PTPRD: variants seen among roughly 807,000 people sequenced by gnomAD.
The protein encoded by PTPRD is protein tyrosine phosphatase receptor type D.
A neutral mutation model predicts 214.5 loss-of-function variants in PTPRD; 34 were observed. The observed-to-expected ratio is 0.16, with a 90% CI of 0.12 to 0.21. PTPRD has a LOEUF of 0.21. Among genes scored for constraint, PTPRD ranks in the 10% least tolerant of loss-of-function variants. The pLI, the probability that PTPRD is intolerant of heterozygous loss-of-function variation, is 1.00. For synonymous variants in PTPRD, 1,128 were observed against 845.7 expected (o/e 1.33, Z -5.79); for missense variants, 2,545 against 2,398.7 (o/e 1.06, Z -1.27).
At position 8,315,061 on chromosome 9, in the gene PTPRD, C is replaced by T. The variant is rs1820973715; in HGVS notation, c.*2813G>A. On this transcript the variant is annotated 3_prime_UTR_variant, in exon 46 of 46. Transcript: ENST00000381196. ...ACACGTACATAGGTAAATAATAGCA[C>T]CGTACTGGTTATGATGATGAAAATA... 4.3e-6 allele frequency: 1 copy of T among 232,368 alleles called. No individual in the cohort carries two copies. The highest frequency in any genetic ancestry group is 8.5e-6 in the Non-Finnish European group (1 of 117,336). The allele number at this position is 232,368 out of a possible 1,614,324, so 14.4% of individuals were successfully genotyped here. A position where few individuals can be genotyped will look rare whatever the true frequency, so the allele number is the denominator to read the frequency against.
rs1234789664 is a variant in PTPRD, at chr9:9,038,188, CA to C, written c.-142-19454del. ...ACACAATGTAAGCTGAATAAGAAAT[CA>C]AAAAAAAGATTGTGGGTGAGCAGGT... On this transcript the variant is annotated intron_variant, in intron 10 of 45. Transcript: ENST00000381196. Among the ~76,000 whole-genome samples, 22 of 151,424 alleles carry C rather than the reference CA, an allele frequency of 1.5e-4. No homozygotes were observed. In the East Asian group the frequency reaches 3.1e-3, roughly 21 times the overall value.
chr9:8,995,043 A>C (rs548101509), intron 11 of PTPRD, among the ~76,000 whole-genome samples: 1 of 152,068 alleles, frequency 6.6e-6, no homozygotes, highest in Non-Finnish European at 1.5e-5. Flanking sequence ...CATAGGAGAC[A>C]TGGGGGTAGA....
At chr9:8,327,333 G>A (rs1009363761) in intron 44 of PTPRD, among the ~76,000 whole-genome samples, 2 of 121,426 alleles carry the variant, frequency 1.6e-5, no homozygotes, top group African/African-American at 8.1e-5. Context: ...ATGTAGTTGT[G>A]TGGTTTTGAG....
intron 8 of PTPRD, among the ~76,000 whole-genome samples, chr9:9,543,804 G>C (rs568357431): frequency 1.3e-5 from 2 of 151,682 alleles, no homozygotes; most frequent in South Asian, 4.1e-4. Context: ...TTTTCTAAAA[G>C]GTTATTAAAA....
At chr9:8,995,332 A>G (rs62529155) in intron 11 of PTPRD, among the ~76,000 whole-genome samples, 2,264 of 152,186 alleles carry the variant, frequency 0.015, 21 homozygotes, top group Non-Finnish European at 0.023. Context: ...AAGTGATATG[A>G]TGTCTGAAAT....
At chr9:8,445,108 A>G (rs1236184834) in intron 34 of PTPRD, among the ~76,000 whole-genome samples, 28 of 152,090 alleles carry the variant, frequency 1.8e-4, no homozygotes, top group Admixed American at 1.7e-3. Context: ...TTATTCCACT[A>G]TCTGTTAGAA....
chr9:9,393,883 C>A (rs1446907675), intron 9 of PTPRD, among the ~76,000 whole-genome samples: 2 of 152,092 alleles, frequency 1.3e-5, no homozygotes, highest in Non-Finnish European at 2.9e-5. Flanking sequence ...GTCAACATCA[C>A]CATTATCACA....
At chr9:10,429,572 G>A (rs1282808576) in intron 2 of PTPRD, among the ~76,000 whole-genome samples, 1 of 151,790 alleles carries the variant, frequency 6.6e-6, no homozygotes, top group African/African-American at 2.4e-5. Context: ...AAACAAGCCA[G>A]GCCCAGAAAG....
intron 2 of PTPRD, among the ~76,000 whole-genome samples, chr9:10,574,197 A>G (rs900149381): frequency 2.0e-5 from 3 of 150,182 alleles, no homozygotes; most frequent in African/African-American, 7.3e-5. Context: ...GAAATGATAG[A>G]TGTGTGTGTG....
intron 10 of PTPRD, among the ~76,000 whole-genome samples, chr9:9,163,011 C>T (rs993063117): frequency 2.6e-5 from 4 of 152,068 alleles, no homozygotes; most frequent in African/African-American, 9.7e-5. Flanking sequence ...TGGTGTGCCT[C>T]CTTCCGCACC....
At chr9:8,767,803 A>G (rs2094878362) in intron 11 of PTPRD, among the ~76,000 whole-genome samples, 1 of 152,214 alleles carries the variant, frequency 6.6e-6, no homozygotes, top group Non-Finnish European at 1.5e-5. Context: ...TTACCAGGTG[A>G]TTCCAATGTA....
chr9:10,311,295 T>C (rs150661569), intron 3 of PTPRD, among the ~76,000 whole-genome samples: 10 of 152,064 alleles, frequency 6.6e-5, no homozygotes, highest in East Asian at 1.9e-4. Context: ...TTAACCTTTA[T>C]ACTGATCAAG....
intron 10 of PTPRD, among the ~76,000 whole-genome samples, chr9:9,020,762 C>T (rs1478725779): frequency 6.6e-6 from 1 of 152,014 alleles, no homozygotes; most frequent in African/African-American, 2.4e-5. Flanking sequence ...TTGAGAATTG[C>T]CAGCATATAT....
chr9:9,374,288 C>A (rs1051347445), intron 9 of PTPRD, among the ~76,000 whole-genome samples: 1 of 151,884 alleles, frequency 6.6e-6, no homozygotes, highest in African/African-American at 2.4e-5. Context: ...TATATTAGTT[C>A]TATTTAAAAC....
At position 8,466,463 on chromosome 9, in the gene PTPRD, G is replaced by T. The variant is rs191619711; in HGVS notation, c.3505-788C>A. ...GCTTCATGTATTTCTAAAGAAAAGA[G>T]ATAGAGTTTATTTCTGGATAACCTA... On this transcript the variant is annotated intron_variant, in intron 31 of 45. Transcript: ENST00000381196. Among the ~76,000 whole-genome samples, 8 of 151,978 alleles carry T rather than the reference G, an allele frequency of 5.3e-5. No individual in the cohort carries two copies. In the East Asian group the frequency reaches 1.6e-3, roughly 30 times the overall value.
intron 27 of PTPRD, 186 bp from the exon 28 acceptor site, chr9:8,486,535 G>C: frequency 1.4e-6 from 1 of 714,070 alleles, no homozygotes; most frequent in East Asian, 2.6e-5. Context: ...CTTTATTAAA[G>C]TAGGCTGAGA....
intron 8 of PTPRD, among the ~76,000 whole-genome samples, chr9:9,410,441 T>C (rs1334599221): frequency 3.9e-5 from 6 of 152,212 alleles, no homozygotes; most frequent in African/African-American, 9.6e-5. Flanking sequence ...CCAGCTTACA[T>C]TGGATCCTTT....
chr9:9,215,423 T>C (rs548411985), intron 9 of PTPRD, among the ~76,000 whole-genome samples: 1 of 152,208 alleles, frequency 6.6e-6, no homozygotes, highest in South Asian at 2.1e-4. Flanking sequence ...CACACAGAAT[T>C]GCTATAAAAA....
chr9:9,837,333 T>C (rs1408894190), intron 5 of PTPRD, among the ~76,000 whole-genome samples: 1 of 152,162 alleles, frequency 6.6e-6, no homozygotes, highest in East Asian at 1.9e-4. Flanking sequence ...TTACAATATC[T>C]AACACAGGAG....
Sources: allele counts gnomAD v4.1 joint callset (sites outside exome capture counted in the v4.1 genomes callset), GRCh38; gene constraint gnomAD v4.1.1; transcripts MANE v1.5; gene names NCBI Gene and HGNC (gene_info 2026-07-23, HGNC 2026-07-21).